CSMD3: variants seen among roughly 807,000 people sequenced by gnomAD.
The protein encoded by CSMD3 is CUB and sushi domain-containing protein 3.
In CSMD3, 177 loss-of-function variants were observed where a neutral mutation model predicts 435.2. The observed-to-expected ratio is 0.41, with a 90% confidence interval of 0.36 to 0.46. The LOEUF is 0.46. Ranked by LOEUF, CSMD3 falls within the 20% of genes least tolerant of loss-of-function variation. The pLI is 0.34. For synonymous variants in CSMD3, 1,656 were observed against 1,520.5 expected (o/e 1.09, Z -2.07); for missense variants, 4,265 against 4,504.6 (o/e 0.95, Z 1.52).
At chr8:113,088,046 C>G (rs11987464) in intron 5 of CSMD3, among the ~76,000 whole-genome samples, 93,318 of 141,694 alleles carry the variant, frequency 0.66, 32,342 homozygotes, top group East Asian at 0.95. Flanking sequence ...AAAAGTGGGC[C>G]AAGGACATGA....
In CSMD3 at chr8:112,424,007, C is replaced by T. The variant is rs528026534; in HGVS notation, c.5396-14975G>A. Among the ~76,000 whole-genome samples, 404 of 152,154 alleles carry T rather than the reference C, an allele frequency of 2.7e-3. 2 individuals are homozygous for T. The highest frequency in any genetic ancestry group is 9.4e-3 in the African/African-American group (392 of 41,492). On this transcript the variant is annotated intron_variant, in intron 32 of 70. Coordinates refer to ENST00000297405, the MANE Select transcript of CSMD3 (RefSeq NM_198123.2). ...TTTAACAAAGTTTCATACTTATACA[C>T]GCAAATTTTATTCATAGAATTCTAT...
intron 32 of CSMD3, among the ~76,000 whole-genome samples, chr8:112,427,713 G>A (rs544300778): frequency 1.3e-5 from 2 of 152,210 alleles, no homozygotes; most frequent in South Asian, 2.1e-4. Context: ...TCAGCTTCAT[G>A]GAGCTTCATC....
chr8:113,151,335 G>A (rs572939264), intron 4 of CSMD3, among the ~76,000 whole-genome samples: 1 of 151,844 alleles, frequency 6.6e-6, no homozygotes, highest in African/African-American at 2.4e-5. Context: ...GTATTATTGT[G>A]CTAAAGGTTC....
chr8:113,041,701 G>A (rs184879634), intron 5 of CSMD3, among the ~76,000 whole-genome samples: 2 of 151,084 alleles, frequency 1.3e-5, no homozygotes, highest in East Asian at 3.9e-4. Context: ...CTTTTTTCAT[G>A]AAAAAAATTG....
intron 3 of CSMD3, among the ~76,000 whole-genome samples, chr8:113,202,905 A>G (rs2092729569): frequency 6.6e-6 from 1 of 152,150 alleles, no homozygotes. Context: ...CACCTGAGCA[A>G]TTGTCCAAGT....
rs775946706 is a variant in CSMD3, at chr8:112,237,257, A to G, written c.10560T>C (p.Ser3520=). 1.9e-6 allele frequency: 3 copies of G among 1,613,552 alleles called. No individual in the cohort carries two copies. The highest frequency in any genetic ancestry group is 2.5e-6 in the Non-Finnish European group (3 of 1,179,578). ...TAACTCTCCCAGTGGAAGCATTGAAACTAGTAACTGTTAAGGTCATGGGTT... is the reference window on the plus strand; with the variant it reads ...TAACTCTCCCAGTGGAAGCATTGAAGCTAGTAACTGTTAAGGTCATGGGTT... ...RKQPMTLTVT[S]FNASTGRVNA... The change falls in exon 67 of 71, where the codon AGT becomes AGC. Residue 3520 remains serine, a synonymous_variant. Transcript: ENST00000297405.
intron 10 of CSMD3, among the ~76,000 whole-genome samples, chr8:112,877,181 G>A (rs2130136954): frequency 6.6e-6 from 1 of 152,074 alleles, no homozygotes; most frequent in African/African-American, 2.4e-5. Context: ...TGGCAATACT[G>A]CCCAAAGTAA....
chr8:113,148,114 G>A (rs2091721490), intron 4 of CSMD3, among the ~76,000 whole-genome samples: 1 of 151,702 alleles, frequency 6.6e-6, no homozygotes, highest in African/African-American at 2.4e-5. Context: ...AATGCCTGAT[G>A]CATATTCTCA....
At chr8:112,274,505 T>C (rs1409206443) in intron 59 of CSMD3, among the ~76,000 whole-genome samples, 1 of 152,006 alleles carries the variant, frequency 6.6e-6, no homozygotes, top group Non-Finnish European at 1.5e-5. Context: ...TCTCTAGAGA[T>C]ATAGGAAGGA....
intron 11 of CSMD3, among the ~76,000 whole-genome samples, chr8:112,833,362 CTTT>C (rs1404418769): frequency 6.6e-6 from 1 of 151,688 alleles, no homozygotes; most frequent in Non-Finnish European, 1.5e-5. Context: ...CTTGAAAATG[CTTT>C]TTGTTATTGA....
At chr8:112,846,765 C>G (rs899507287) in intron 11 of CSMD3, among the ~76,000 whole-genome samples, 1 of 151,412 alleles carries the variant, frequency 6.6e-6, no homozygotes, top group African/African-American at 2.4e-5. Flanking sequence ...TTTTATTGTA[C>G]TTGCACAGAG....
intron 1 of CSMD3, among the ~76,000 whole-genome samples, chr8:113,383,896 G>GAT (rs2094428283): frequency 1.3e-5 from 2 of 152,114 alleles, no homozygotes; most frequent in African/African-American, 4.8e-5. Flanking sequence ...CTTCTCACTT[G>GAT]GTCCCTCTGA....
intron 1 of CSMD3, among the ~76,000 whole-genome samples, chr8:113,432,761 G>T (rs1280493425): frequency 6.6e-6 from 1 of 152,200 alleles, no homozygotes; most frequent in Non-Finnish European, 1.5e-5. Flanking sequence ...AGCTTCCTCC[G>T]CACTTCTACT....
chr8:112,558,004 A>AAT (rs1370211199), intron 24 of CSMD3, among the ~76,000 whole-genome samples: 1 of 151,896 alleles, frequency 6.6e-6, no homozygotes, highest in Non-Finnish European at 1.5e-5. Flanking sequence ...AAGTAGTGTT[A>AAT]GAATTGAATT....
intron 33 of CSMD3, 98 bp from the exon 34 acceptor site, chr8:112,408,511 AATCT>A: frequency 1.2e-6 from 1 of 837,272 alleles, no homozygotes; most frequent in Non-Finnish European, 2.1e-6. Context: ...TGAAAATGTC[AATCT>A]ATGTTCTATC....
In CSMD3 at chr8:113,129,841, C is replaced by T. The variant is rs1337250073; in HGVS notation, c.710-30878G>A. Among the ~76,000 whole-genome samples, 13 of 152,108 alleles carry T rather than the reference C, an allele frequency of 8.5e-5. No individual in the cohort carries two copies. In the East Asian group the frequency reaches 2.5e-3, roughly 29 times the overall value. ...CTGACCACATAATGAAACCTGGAATCTGGTACCAGGCCATAAATTTGTTTT... is the reference window on the plus strand; with the variant it reads ...CTGACCACATAATGAAACCTGGAATTTGGTACCAGGCCATAAATTTGTTTT... On this transcript the variant is annotated intron_variant, in intron 4 of 70. Transcript: ENST00000297405.
At chr8:112,623,215 G>A (rs374156227) in intron 22 of CSMD3, among the ~76,000 whole-genome samples, 5 of 152,044 alleles carry the variant, frequency 3.3e-5, no homozygotes, top group African/African-American at 1.2e-4. Context: ...TCGAAAAAGA[G>A]CTGCAAAAAA....
intron 29 of CSMD3, among the ~76,000 whole-genome samples, chr8:112,504,909 CA>C (rs1822345331): frequency 6.6e-6 from 1 of 152,090 alleles, no homozygotes; most frequent in African/African-American, 2.4e-5. Flanking sequence ...AAAATGAAAC[CA>C]GTAAAACTTG....
intron 5 of CSMD3, among the ~76,000 whole-genome samples, chr8:113,066,377 A>G (rs1290218410): frequency 6.6e-6 from 1 of 152,052 alleles, no homozygotes; most frequent in Non-Finnish European, 1.5e-5. Context: ...GTATGGAAGT[A>G]GAGGACTTCA....
Sources: gnomAD v4.1 joint callset for allele counts (sites outside exome capture counted in the v4.1 genomes callset) on GRCh38, gnomAD v4.1.1 for gene constraint, MANE v1.5 for transcripts, NCBI Gene and HGNC (gene_info 2026-07-23, HGNC 2026-07-21) for gene names.